Variants in DENND1B observed in about 807,000 individuals in gnomAD.
The protein encoded by DENND1B is DENN domain containing 1B, also known as DENN domain-containing protein 1B.
Under a neutral mutation model 90.1 loss-of-function variants are expected in DENND1B, and 59 were observed. The ratio of observed to expected loss-of-function variants is 0.65; its 90% CI spans 0.53 to 0.81. DENND1B has a LOEUF of 0.81. Among genes scored for constraint, DENND1B ranks in the 40% least tolerant of loss-of-function variants. The pLI, the probability that DENND1B is intolerant of heterozygous loss-of-function variation, is 0.00. For synonymous variants in DENND1B, 337 were observed against 324.6 expected, an observed-to-expected ratio of 1.04 and a Z score of -0.41; for missense variants, 862 against 912.6, an observed-to-expected ratio of 0.94 and a Z score of 0.71.
intron 10 of DENND1B, among the ~76,000 whole-genome samples, chr1:197,624,921 T>C (rs918860624): frequency 2.6e-5 from 4 of 151,634 alleles, no homozygotes; most frequent in Admixed American, 6.6e-5. Flanking sequence ...GTATCAGTGA[T>C]GGAAGATGAA....
intron 2 of DENND1B, among the ~76,000 whole-genome samples, chr1:197,764,050 G>A (rs928282408): frequency 1.3e-5 from 2 of 152,232 alleles, no homozygotes; most frequent in Non-Finnish European, 2.9e-5. Context: ...CCTAGAATCA[G>A]TCAGGGGTTT....
rs1414310695 is a variant in DENND1B at position 197,508,665 on chromosome 1, G to A, written c.*1795C>T. ...TCTTTCAATAAATATTTAGAATATA[G>A]TCTTATTGGGGTTCTTTAATGATTT... is the stretch of plus-strand genomic sequence containing the variant. On this transcript the variant is annotated 3_prime_UTR_variant, in exon 23 of 23. Coordinates refer to ENST00000620048, the MANE Select transcript of DENND1B (RefSeq NM_001195215.2). 1 of 151,554 alleles carries A rather than the reference G, an allele frequency of 6.6e-6. No homozygotes were observed. The highest frequency in any genetic ancestry group is 6.6e-5 in the Admixed American group (1 of 15,162). 9.4% of individuals were successfully genotyped at this position (151,554 alleles called of 1,614,324 possible). A position where few individuals can be genotyped will look rare whatever the true frequency, so the allele number is the denominator to read the frequency against.
intron 3 of DENND1B, among the ~76,000 whole-genome samples, chr1:197,700,500 C>A (rs1436069955): frequency 6.6e-6 from 1 of 151,986 alleles, no homozygotes. Context: ...AACCAAAAAC[C>A]ATAAAAACTC....
At chr1:197,513,022 G>A in intron 20 of DENND1B, 69 bp from the exon 21 acceptor site, 1 of 1,319,578 alleles carries the variant, frequency 7.6e-7, no homozygotes, top group East Asian at 2.4e-5. Flanking sequence ...AAATTTTAAA[G>A]CAACAATGTG....
intron 10 of DENND1B, among the ~76,000 whole-genome samples, chr1:197,621,271 T>A (rs1045481151): frequency 6.6e-6 from 1 of 151,100 alleles, no homozygotes; most frequent in Non-Finnish European, 1.5e-5. Flanking sequence ...CCTGGAACAT[T>A]TGAGAATATA....
intron 2 of DENND1B, among the ~76,000 whole-genome samples, chr1:197,720,546 A>G (rs1050259858): frequency 3.5e-5 from 5 of 141,748 alleles, no homozygotes; most frequent in African/African-American, 1.4e-4. Context: ...CAGACTTACC[A>G]TAATTTTATA....
chr1:197,702,430 T>C (rs1223852399), intron 3 of DENND1B, among the ~76,000 whole-genome samples: 1 of 152,218 alleles, frequency 6.6e-6, no homozygotes, highest in Non-Finnish European at 1.5e-5. Flanking sequence ...CATGTAAATT[T>C]CTATTTAACC....
intron 15 of DENND1B, among the ~76,000 whole-genome samples, chr1:197,568,585 T>A (rs1261183396): frequency 6.6e-6 from 1 of 152,122 alleles, no homozygotes; most frequent in Admixed American, 6.6e-5. Flanking sequence ...CATCACATTA[T>A]CTGATCTCAA....
intron 2 of DENND1B, chr1:197,734,271 T>G: frequency 1.1e-6 from 1 of 923,964 alleles, no homozygotes; most frequent in South Asian, 5.0e-5. Flanking sequence ...TGTAAATTTT[T>G]TAACCTGTAA....
At chr1:197,522,392 T>C (rs1037809757) in intron 20 of DENND1B, among the ~76,000 whole-genome samples, 3 of 152,086 alleles carry the variant, frequency 2.0e-5, no homozygotes, top group African/African-American at 2.4e-5. Flanking sequence ...ACTAGGTCAC[T>C]AGGAAAGATT....
intron 14 of DENND1B, among the ~76,000 whole-genome samples, chr1:197,590,421 A>G (rs1301362782): frequency 6.6e-6 from 1 of 152,152 alleles, no homozygotes; most frequent in Non-Finnish European, 1.5e-5. Flanking sequence ...CAATTCTTAA[A>G]AAGTAGCTAA....
chr1:197,645,797 AT>A, intron 8 of DENND1B, 54 bp from the exon 9 acceptor site: 1 of 1,197,240 alleles, frequency 8.4e-7, no homozygotes, highest in Non-Finnish European at 1.2e-6. Context: ...CTGGTAACAT[AT>A]AATTTGTAAT....
chr1:197,530,560 A>G (rs10737691), intron 20 of DENND1B, among the ~76,000 whole-genome samples: 145,108 of 152,202 alleles, frequency 0.95, 69,539 homozygotes, highest in South Asian at 1. Flanking sequence ...GGGATCTATG[A>G]TCATCCCTAC....
At chr1:197,616,319 T>G (rs1441411440) in intron 11 of DENND1B, among the ~76,000 whole-genome samples, 1 of 151,078 alleles carries the variant, frequency 6.6e-6, no homozygotes, top group Non-Finnish European at 1.5e-5. Flanking sequence ...CTTTAAGGAA[T>G]GCTAAAATAT....
intron 10 of DENND1B, among the ~76,000 whole-genome samples, chr1:197,623,347 A>C (rs1678345062): frequency 6.6e-6 from 1 of 151,514 alleles, no homozygotes; most frequent in South Asian, 2.1e-4. Context: ...TTAAAAAATT[A>C]GTGGAAACCA....
At chr1:197,518,607 G>A (rs1266677741) in intron 20 of DENND1B, among the ~76,000 whole-genome samples, 1 of 151,874 alleles carries the variant, frequency 6.6e-6, no homozygotes, top group Non-Finnish European at 1.5e-5. Flanking sequence ...AAATAGCAGA[G>A]ACTATATAGG....
chr1:197,600,874 A>G (rs1676144143), intron 13 of DENND1B, among the ~76,000 whole-genome samples: 1 of 151,666 alleles, frequency 6.6e-6, no homozygotes, highest in Non-Finnish European at 1.5e-5. Context: ...GAAAAATGAA[A>G]CCTCAGGCTT....
chr1:197,708,091 G>A (rs1255838050), intron 3 of DENND1B, among the ~76,000 whole-genome samples: 1 of 132,750 alleles, frequency 7.5e-6, no homozygotes. Context: ...CCACGGAATC[G>A]CGCTGATTGC....
chr1:197,685,055 T>C (rs1325044115), intron 3 of DENND1B, among the ~76,000 whole-genome samples: 1 of 151,980 alleles, frequency 6.6e-6, no homozygotes, highest in East Asian at 1.9e-4. Flanking sequence ...GGGGCAGAGG[T>C]TGCAGTGAGC....
Sources: allele counts gnomAD v4.1 joint callset (sites outside exome capture counted in the v4.1 genomes callset), GRCh38; gene constraint gnomAD v4.1.1; transcripts MANE v1.5; gene names NCBI Gene and HGNC (gene_info 2026-07-23, HGNC 2026-07-21).